ARHGDIG: variants seen among roughly 807,000 people sequenced by gnomAD.
ARHGDIG encodes Rho GDP dissociation inhibitor gamma.
In ARHGDIG, 14 loss-of-function variants were observed where a neutral mutation model predicts 20.2. The ratio of observed to expected loss-of-function variants is 0.69; its 90% CI spans 0.46 to 1.08. The LOEUF is 1.08. Ranked by LOEUF, ARHGDIG falls within the 50% of genes least tolerant of loss-of-function variation. ARHGDIG has a pLI of 0.00. For synonymous variants in ARHGDIG, 193 were observed against 138.6 expected (o/e 1.39, Z -2.76); for missense variants, 311 against 301.8 (o/e 1.03, Z -0.23).
chr16:282,914 C>CT lies in ARHGDIG; in HGVS notation c.*100_*101insT. 8.7e-7 allele frequency: 1 copy of CT among 1,155,798 alleles called. No individual in the cohort carries two copies. Among genetic ancestry groups the CT allele is most frequent in the Non-Finnish European group, 1.2e-6 (1 of 838,170 alleles). 71.6% of individuals were successfully genotyped at this position (1,155,798 alleles called of 1,614,324 possible). A position where few individuals can be genotyped will look rare whatever the true frequency, so the allele number is the denominator to read the frequency against. On this transcript the variant is annotated 3_prime_UTR_variant, in exon 6 of 6. Coordinates refer to ENST00000219409, the MANE Select transcript of ARHGDIG (RefSeq NM_001176.4). Reference sequence around the variant, plus strand: ...GAGTGACCAGACCCTCCCCTGCTGCCCCTGCTGCCCCTGCTGCCCCTGCTC... The same window carrying CT: ...GAGTGACCAGACCCTCCCCTGCTGCCTCCTGCTGCCCCTGCTGCCCCTGCTC...
Position 281,893 on chromosome 16 carries a change from G to T in ARHGDIG, c.221G>T (p.Arg74Leu), listed in dbSNP as rs777953367. 1.2e-6 allele frequency: 2 copies of T among 1,608,460 alleles called. No homozygotes were observed. The highest frequency in any genetic ancestry group is 1.7e-6 in the Non-Finnish European group (2 of 1,179,400). Residue 74 changes from arginine (R) to leucine (L), a missense_variant, in exon 2 of 6, where the codon CGG (arginine) becomes CTG (leucine). By Grantham distance (102) the Arg-to-Leu change is moderately radical (BLOSUM62 -2). Coordinates refer to ENST00000219409, the MANE Select transcript of ARHGDIG (RefSeq NM_001176.4). ...PDDRSLAKYKRVLLGPLPPAV... is the reference protein window; with the variant it reads ...PDDRSLAKYKLVLLGPLPPAV... ...GACAGGAGCCTGGCCAAGTACAAGC[G>T]GGTGCTGCTGGGGCCCCTGCCACCG... is the stretch of plus-strand genomic sequence containing the variant.
Position 282,992 on chromosome 16 carries a change from T to C in ARHGDIG, c.*178T>C, listed in dbSNP as rs443338. 197,305 of 875,548 alleles carry C rather than the reference T, an allele frequency of 0.23. 26,653 individuals carry two copies. The highest frequency in any genetic ancestry group is 0.59 in the African/African-American group (31,966 of 54,026). The allele number at this position is 875,548 out of a possible 1,614,324, so 54.2% of individuals were successfully genotyped here. On this transcript the variant is annotated 3_prime_UTR_variant, in exon 6 of 6. Transcript: ENST00000219409. ...GTCCCCTGAGCTGTCCCATTAAACA[T>C]GGCCCTGTCTCTCTCGGTGCCCTGG... is the stretch of plus-strand genomic sequence containing the variant.
rs1235008810 is a variant in ARHGDIG at position 282,936 on chromosome 16, G to GCTGCCCCTT, written c.*124_*125insGCCCCTTCT. ...TGCCCCTGCTGCCCCTGCTGCCCCTGCTCTGTCCCGGGACCCCCTGGCCTG... is the reference window on the plus strand; with the variant it reads ...TGCCCCTGCTGCCCCTGCTGCCCCTGCTGCCCCTTCTCTGTCCCGGGACCCCCTGGCCTG... On this transcript the variant is annotated 3_prime_UTR_variant, in exon 6 of 6. Coordinates refer to ENST00000219409, the MANE Select transcript of ARHGDIG (RefSeq NM_001176.4). The GCTGCCCCTT allele has an allele frequency of 6.4e-6, 7 of 1,097,968 alleles. No individual in the cohort carries two copies. The African/African-American group carries it at 1.8e-4, about 28-fold the overall frequency. 68.0% of individuals were successfully genotyped at this position (1,097,968 alleles called of 1,614,324 possible).
At position 281,816 on chromosome 16, in the gene ARHGDIG, C is replaced by G; in HGVS notation, c.144C>G (p.Tyr48Ter). ...DEVLDEAVPE[Y>*]RAPGRKSLLE... ...TGTTGGATGAGGCTGTGCCCGAGTA[C>G]CGGGCGCCGGGGAGGAAGAGCCTCT... The change falls in exon 2 of 6, where the codon TAC becomes TAG. Residue 48 changes from tyrosine (Y) to a stop codon, truncating the protein, a stop_gained. Coordinates refer to ENST00000219409, the MANE Select transcript of ARHGDIG (RefSeq NM_001176.4). LOFTEE classifies it high-confidence loss of function. The G allele has an allele frequency of 6.2e-7, 1 of 1,611,890 alleles. No individual in the cohort carries two copies. Among genetic ancestry groups the G allele is most frequent in the Non-Finnish European group, 8.5e-7 (1 of 1,179,702 alleles).
At position 282,826 on chromosome 16, in the gene ARHGDIG, G is replaced by T. The variant is rs1260275619; in HGVS notation, c.*12G>T. ...ACTGGAAGGACTGAACCCCCAGTCC[G>T]TGTCTCCCCTACCTCCCTCAGTTGT... On this transcript the variant is annotated 3_prime_UTR_variant, in exon 6 of 6. Transcript: ENST00000219409. 2 of 1,580,876 alleles carry T rather than the reference G, an allele frequency of 1.3e-6. No homozygotes were observed. Among genetic ancestry groups the T allele is most frequent in the Admixed American group, 1.8e-5 (1 of 56,112 alleles).
chr16:281,787 G>C lies in ARHGDIG; in HGVS notation c.115G>C (p.Glu39Gln), dbSNP rs145631710. 8 of 1,609,898 alleles carry C rather than the reference G, an allele frequency of 5.0e-6. No individual in the cohort carries two copies. The highest frequency in any genetic ancestry group is 1.1e-5 in the South Asian group (1 of 90,938). ...GGAGGGTGGGCCGCCGGCAGTGGAC[G>C]AGGTGTTGGATGAGGCTGTGCCCGA... The part of the protein sequence containing the change: ...DKEGGPPAVD[E>Q]VLDEAVPEYR... Residue 39 changes from glutamate (E) to glutamine (Q), a missense_variant, in exon 2 of 6, where the codon GAG becomes CAG. Physicochemically the swap from Glu to Gln is conservative, Grantham distance 29 (BLOSUM62 2). Transcript: ENST00000219409.
In ARHGDIG at chr16:282,914, C is replaced by T. The variant is rs1482819146; in HGVS notation, c.*100C>T. ...GAGTGACCAGACCCTCCCCTGCTGC[C>T]CCTGCTGCCCCTGCTGCCCCTGCTC... On this transcript the variant is annotated 3_prime_UTR_variant, in exon 6 of 6. Transcript: ENST00000219409. 4 of 1,155,678 alleles carry T rather than the reference C, an allele frequency of 3.5e-6. No individual in the cohort carries two copies. Among genetic ancestry groups the T allele is most frequent in the Non-Finnish European group, 4.8e-6 (4 of 838,178 alleles). The allele number at this position is 1,155,678 out of a possible 1,614,324, so 71.6% of individuals were successfully genotyped here.
chr16:281,428 C>G (rs2052281546), intron 1 of ARHGDIG: 1 of 298,236 alleles, frequency 3.4e-6, no homozygotes, highest in Non-Finnish European at 6.3e-6. Flanking sequence ...AGCCCCTGAC[C>G]CTGGGCTGCC....
In ARHGDIG at chr16:282,693, C is replaced by G. The variant is rs751743144; in HGVS notation, c.557C>G (p.Ala186Gly). ...EYEFVTPVEE[A>G]PRGALVRGPY... ...GAGTTTGTGACTCCGGTGGAGGAAG[C>G]GCCGAGGGGTGCGCTGGTGCGGGGC... The change falls in exon 6 of 6, where the codon GCG (alanine) becomes GGG (glycine). Residue 186 changes from alanine (A) to glycine (G), a missense_variant. Physicochemically the swap from Ala to Gly is moderately conservative, Grantham distance 60. Coordinates refer to ENST00000219409, the MANE Select transcript of ARHGDIG (RefSeq NM_001176.4). 1 of 1,601,236 alleles carries G rather than the reference C, an allele frequency of 6.2e-7. No individual in the cohort carries two copies. The highest frequency in any genetic ancestry group is 8.5e-7 in the Non-Finnish European group (1 of 1,173,726).
Position 282,095 on chromosome 16 carries a change from C to T in ARHGDIG, c.324C>T (p.Val108=), listed in dbSNP as rs761083032. The T allele has an allele frequency of 6.2e-6, 10 of 1,612,810 alleles. No homozygotes were observed. The East Asian group carries it at 2.0e-4, about 32-fold the overall frequency. Residue 108 remains valine (V), a synonymous_variant, in exon 3 of 6, where the codon GTC becomes GTT. Coordinates refer to ENST00000219409, the MANE Select transcript of ARHGDIG (RefSeq NM_001176.4). ...CGGAACAGGCTCCGGGGCCCGTCGT[C>T]ATGGATCTCACAGGTAACTCGCAGG... ...LLSEQAPGPV[V]MDLTGDLAVL...
Position 280,786 on chromosome 16 carries a change from C to A in ARHGDIG, c.73+33C>A. On this transcript the variant is annotated intron_variant, in intron 1 of 5. Coordinates refer to ENST00000219409, the MANE Select transcript of ARHGDIG (RefSeq NM_001176.4). The surrounding 1 kb of genome is among the most constrained non-coding windows in gnomAD (Gnocchi z 6.6). ...GGCCGGGCAGGGGCGGGGGGCTCGG[C>A]TGGTCTCAGCCCCGGGCGGGGAGTA... 1.6e-6 allele frequency: 2 copies of A among 1,246,446 alleles called. No homozygotes were observed. The highest frequency in any genetic ancestry group is 2.0e-6 in the Non-Finnish European group (2 of 989,374). 77.2% of individuals were successfully genotyped at this position (1,246,446 alleles called of 1,614,324 possible).
chr16:282,109 G>A lies in ARHGDIG; in HGVS notation c.337+1G>A. On this transcript the variant is annotated splice_donor_variant, in intron 3 of 5. Transcript: ENST00000219409. LOFTEE classifies it high-confidence loss of function. The stretch of plus-strand genomic sequence containing the variant: ...GGGCCCGTCGTCATGGATCTCACAG[G>A]TAACTCGCAGGATGCTGCACCCTGA... 6.2e-7 allele frequency: 1 copy of A among 1,612,848 alleles called. No individual in the cohort carries two copies. The highest frequency in any genetic ancestry group is 2.2e-5 in the East Asian group (1 of 44,864).
At chr16:282,170 C>T in intron 3 of ARHGDIG, 62 bp downstream of exon 3, 1 of 1,607,414 alleles carries the variant, frequency 6.2e-7, no homozygotes. Flanking sequence ...GCTTCTGCAC[C>T]CCTGAGTTCC....
chr16:281,787 G>A lies in ARHGDIG; in HGVS notation c.115G>A (p.Glu39Lys), dbSNP rs145631710. Residue 39 changes from glutamate to lysine, a missense_variant, in exon 2 of 6, where the codon GAG (glutamate) becomes AAG (lysine). Physicochemically the swap from Glu to Lys is moderately conservative, Grantham distance 56. Transcript: ENST00000219409. ...GGAGGGTGGGCCGCCGGCAGTGGAC[G>A]AGGTGTTGGATGAGGCTGTGCCCGA... ...DKEGGPPAVDEVLDEAVPEYR... is the reference protein window; with the variant it reads ...DKEGGPPAVDKVLDEAVPEYR... 595 of 1,609,776 alleles carry A rather than the reference G, an allele frequency of 3.7e-4. 1 individual carries two copies. Among genetic ancestry groups the A allele is most frequent in the Non-Finnish European group, 4.6e-4 (540 of 1,178,492 alleles).
In ARHGDIG at chr16:282,770, T is replaced by A; in HGVS notation, c.634T>A (p.Ser212Thr). The A allele has an allele frequency of 6.2e-7, 1 of 1,609,332 alleles. No individual in the cohort carries two copies. Among genetic ancestry groups the A allele is most frequent in the Non-Finnish European group, 8.5e-7 (1 of 1,178,784 alleles). ...CGACGATGACAGGACGCACCACCTGTCCTGGGAGTGGGGTCTCTGCATCTG... is the reference window on the plus strand; with the variant it reads ...CGACGATGACAGGACGCACCACCTGACCTGGGAGTGGGGTCTCTGCATCTG... ...FTDDDRTHHL[S>T]WEWGLCICQD... Residue 212 changes from serine (S) to threonine (T), a missense_variant, in exon 6 of 6, where the codon TCC becomes ACC. By Grantham distance (58) the Ser-to-Thr change is moderately conservative. Transcript: ENST00000219409.
At chr16:282,558 C>CGGGGGGGGGGAAGGGGGG (rs61572786) in intron 5 of ARHGDIG, 28 bp downstream of exon 5, 2 of 1,313,278 alleles carry the variant, frequency 1.5e-6, no homozygotes, top group Admixed American at 2.5e-5. Context: ...GGGAACGGGG[C>CGGGGGGGGGGAAGGGGGG]GGGGGGGGGA....
rs2141445612 is a variant in ARHGDIG at position 282,936 on chromosome 16, G to GCT, written c.*125_*126dup. On this transcript the variant is annotated 3_prime_UTR_variant, in exon 6 of 6. Transcript: ENST00000219409. ...TGCCCCTGCTGCCCCTGCTGCCCCT[G>GCT]CTCTGTCCCGGGACCCCCTGGCCTG... is the stretch of plus-strand genomic sequence containing the variant. The GCT allele has an allele frequency of 9.1e-7, 1 of 1,097,980 alleles. No homozygotes were observed. The highest frequency in any genetic ancestry group is 2.7e-5 in the East Asian group (1 of 36,712). 68.0% of individuals were successfully genotyped at this position (1,097,980 alleles called of 1,614,324 possible). A position where few individuals can be genotyped will look rare whatever the true frequency, so the allele number is the denominator to read the frequency against.
At chr16:282,209 T>G in intron 3 of ARHGDIG, 88 bp from the exon 4 acceptor site, 2 of 1,605,198 alleles carry the variant, frequency 1.2e-6, no homozygotes, top group Non-Finnish European at 1.7e-6. Flanking sequence ...GTCGCACACC[T>G]CATGGGTACC....
In ARHGDIG at chr16:281,876, C is replaced by T. The variant is rs1201644421; in HGVS notation, c.204C>T (p.Ser68=). The stretch of plus-strand genomic sequence containing the variant: ...GGCAGCTGGACCCGGACGACAGGAG[C>T]CTGGCCAAGTACAAGCGGGTGCTGC... ...EIRQLDPDDR[S]LAKYKRVLLG... Residue 68 remains serine, a synonymous_variant, in exon 2 of 6, where the codon AGC becomes AGT. Coordinates refer to ENST00000219409, the MANE Select transcript of ARHGDIG (RefSeq NM_001176.4). The T allele has an allele frequency of 6.2e-7, 1 of 1,610,288 alleles. No homozygotes were observed. Among genetic ancestry groups the T allele is most frequent in the Non-Finnish European group, 8.5e-7 (1 of 1,179,764 alleles).
Sources: allele counts gnomAD v4.1 joint callset, GRCh38; gene constraint gnomAD v4.1.1; non-coding constraint Gnocchi (gnomAD v3.1); transcripts MANE v1.5; gene names NCBI Gene and HGNC (gene_info 2026-07-23, HGNC 2026-07-21).